The following RAD51B variants were observed in gnomAD, a reference collection of about 807,000 sequenced individuals.
RAD51B encodes the protein DNA repair protein RAD51 homolog 2.
RAD51B carries 38 observed loss-of-function variants against 42.2 expected under a neutral mutation model. The observed-to-expected ratio is 0.90, with a 90% CI of 0.70 to 1.18. The LOEUF is 1.18. RAD51B is among the 50% of genes most tolerant of loss of function. The pLI is 0.00. For missense variants in RAD51B, 373 were observed against 400.7 expected (o/e 0.93, Z 0.59); for synonymous variants, 154 against 145.2 (o/e 1.06, Z -0.43).
intron 7 of RAD51B, among the ~76,000 whole-genome samples, chr14:67,976,595 C>A (rs1399719933): frequency 6.6e-6 from 1 of 151,982 alleles, no homozygotes; most frequent in African/African-American, 2.4e-5. Flanking sequence ...CATATTAGAC[C>A]TAAAACCATA....
intron 3 of RAD51B, among the ~76,000 whole-genome samples, chr14:67,831,703 A>AT (rs147190791): frequency 0.29 from 43,221 of 147,000 alleles, 6,586 homozygotes; most frequent in Middle Eastern, 0.43. Flanking sequence ...TGCCCAGCTA[A>AT]TTTTTTTTTT....
At chr14:67,976,117 T>G (rs1271458998) in intron 7 of RAD51B, among the ~76,000 whole-genome samples, 3 of 151,542 alleles carry the variant, frequency 2.0e-5, no homozygotes, top group African/African-American at 2.4e-5. Context: ...TTTTTTTGGT[T>G]GTTGTTGTTT....
intron 10 of RAD51B, among the ~76,000 whole-genome samples, chr14:68,570,893 A>ATG (rs1555427613): frequency 9.1e-6 from 1 of 110,228 alleles, no homozygotes; most frequent in African/African-American, 2.8e-5. Flanking sequence ...ACACACACAC[A>ATG]CACATGCACA....
Position 68,275,833 on chromosome 14 carries a change from CA to C in RAD51B, c.757-16050del, listed in dbSNP as rs1566778259. Reference sequence around the variant, plus strand: ...ACACACACACACACACACACACACACACACACACCCTTGAATTCTCAGCTGA... The same window carrying C: ...ACACACACACACACACACACACACACCACACACCCTTGAATTCTCAGCTGA... On this transcript the variant is annotated intron_variant, in intron 7 of 10. Coordinates refer to ENST00000471583, the MANE Select transcript of RAD51B (RefSeq NM_133510.4). Among the ~76,000 whole-genome samples the C allele has an allele frequency of 4.8e-3, 730 of 151,084 alleles. 11 individuals carry two copies. The highest frequency in any genetic ancestry group is 0.017 in the African/African-American group (698 of 41,054).
At chr14:68,456,173 A>T (rs2085681897) in intron 9 of RAD51B, among the ~76,000 whole-genome samples, 1 of 152,246 alleles carries the variant, frequency 6.6e-6, no homozygotes, top group Non-Finnish European at 1.5e-5. Context: ...AAACAGAGGA[A>T]CAAAAAGGAA....
chr14:68,477,668 T>C lies in RAD51B; in HGVS notation c.*4T>C. ...TTTAGGCCAAGAGAAGCCATAGGGA[T>C]ACTGTGACCTTTGTCTAGAGTTGAT... On this transcript the variant is annotated 3_prime_UTR_variant, in exon 11 of 11. Coordinates refer to ENST00000471583, the MANE Select transcript of RAD51B (RefSeq NM_133510.4). The C allele has an allele frequency of 6.2e-7, 1 of 1,611,150 alleles. No individual in the cohort carries two copies. The highest frequency in any genetic ancestry group is 8.5e-7 in the Non-Finnish European group (1 of 1,178,618).
In RAD51B at chr14:68,191,033, C is replaced by CT. The variant is rs33968211; in HGVS notation, c.757-100843dup. On this transcript the variant is annotated intron_variant, in intron 7 of 10. Coordinates refer to ENST00000471583, the MANE Select transcript of RAD51B (RefSeq NM_133510.4). Reference sequence around the variant, plus strand: ...TTAGTTAATGCTATATTACTACAAGCTTTTTTTTAAAAAAAGAGACAATAT... The same window carrying CT: ...TTAGTTAATGCTATATTACTACAAGCTTTTTTTTTAAAAAAAGAGACAATAT... Among the ~76,000 whole-genome samples, 558 of 151,986 alleles carry CT rather than the reference C, an allele frequency of 3.7e-3. 6 individuals carry two copies. The highest frequency in any genetic ancestry group is 0.013 in the African/African-American group (520 of 41,446).
Position 67,887,032 on chromosome 14 carries a change from T to TGGA in RAD51B, c.585_587dup (p.Glu198dup), listed in dbSNP as rs1566942271. The TGGA allele has an allele frequency of 2.0e-6, 3 of 1,501,040 alleles. No homozygotes were observed. The highest frequency in any genetic ancestry group is 2.7e-6 in the Non-Finnish European group (3 of 1,102,012). The allele number at this position is 1,501,040 out of a possible 1,614,324, so 93.0% of individuals were successfully genotyped here. A position where few individuals can be genotyped will look rare whatever the true frequency, so the allele number is the denominator to read the frequency against. On this transcript the variant is annotated inframe_insertion, in exon 7 of 11. Coordinates refer to ENST00000471583, the MANE Select transcript of RAD51B (RefSeq NM_133510.4). Reference sequence around the variant, plus strand: ...TTCTTCTTTTATAGGATTGAATCTTTGGAAGAAGAAATTATCTCAAAAGGA... The same window carrying TGGA: ...TTCTTCTTTTATAGGATTGAATCTTTGGAGGAAGAAGAAATTATCTCAAAAGGA...
intron 7 of RAD51B, among the ~76,000 whole-genome samples, chr14:68,119,616 A>G (rs1416239635): frequency 1.3e-5 from 2 of 148,234 alleles, no homozygotes; most frequent in African/African-American, 5.1e-5. Flanking sequence ...ATGATTTCCA[A>G]TTTCATCCAT....
chr14:67,894,523 T>G (rs973085871), intron 7 of RAD51B, among the ~76,000 whole-genome samples: 2 of 152,204 alleles, frequency 1.3e-5, no homozygotes, highest in Admixed American at 1.3e-4. Context: ...TATTTGCCCT[T>G]AAGGCTTCTA....
chr14:68,178,782 A>G (rs1374595128), intron 7 of RAD51B, among the ~76,000 whole-genome samples: 3 of 152,148 alleles, frequency 2.0e-5, no homozygotes, highest in Admixed American at 2.0e-4. Flanking sequence ...CATTCATTTC[A>G]TTGCCCCTGT....
chr14:68,481,990 G>A (rs74459008), downstream of RAD51B, among the ~76,000 whole-genome samples: 1 of 152,178 alleles, frequency 6.6e-6, no homozygotes, highest in Admixed American at 6.5e-5. Flanking sequence ...GCACAGGAAA[G>A]TTGCCCCAGG....
chr14:68,529,892 G>C (rs1232802711), intron 10 of RAD51B, among the ~76,000 whole-genome samples: 1 of 152,094 alleles, frequency 6.6e-6, no homozygotes, highest in Non-Finnish European at 1.5e-5. Flanking sequence ...AAAGGATATT[G>C]TGAAATAAAG....
chr14:68,677,504 C>T (rs1893335628), intron 11 of RAD51B, among the ~76,000 whole-genome samples: 1 of 152,206 alleles, frequency 6.6e-6, no homozygotes, highest in Non-Finnish European at 1.5e-5. Flanking sequence ...AACTATCTTC[C>T]TGGAAGTAAA....
At chr14:68,143,202 C>T (rs2078170159) in intron 7 of RAD51B, among the ~76,000 whole-genome samples, 1 of 152,116 alleles carries the variant, frequency 6.6e-6, no homozygotes, top group Non-Finnish European at 1.5e-5. Flanking sequence ...TTAGTGTCCC[C>T]ATCTGTAAAA....
At chr14:68,412,595 T>C (rs1167912016) in intron 9 of RAD51B, among the ~76,000 whole-genome samples, 1 of 152,228 alleles carries the variant, frequency 6.6e-6, no homozygotes, top group Non-Finnish European at 1.5e-5. Flanking sequence ...CTTGGTTTGC[T>C]TTGGACTATG....
chr14:68,593,428 G>T (rs537778183), intron 10 of RAD51B, among the ~76,000 whole-genome samples: 2 of 152,360 alleles, frequency 1.3e-5, no homozygotes, highest in South Asian at 4.1e-4. Flanking sequence ...GGCAGAAGCT[G>T]CAGGTAGGGG....
chr14:68,495,979 C>T (rs1884481832), intron 10 of RAD51B, among the ~76,000 whole-genome samples: 1 of 152,144 alleles, frequency 6.6e-6, no homozygotes, highest in Non-Finnish European at 1.5e-5. Flanking sequence ...TGTACCGAAA[C>T]CCAGCTTAAG....
intron 7 of RAD51B, among the ~76,000 whole-genome samples, chr14:67,926,611 T>C (rs979034164): frequency 2.3e-5 from 3 of 132,792 alleles, no homozygotes; most frequent in African/African-American, 8.7e-5. Flanking sequence ...GTCGCCACAC[T>C]GGAGTGCAGT....
Sources: allele counts gnomAD v4.1 joint callset (sites outside exome capture counted in the v4.1 genomes callset), GRCh38; gene constraint gnomAD v4.1.1; transcripts MANE v1.5; gene names NCBI Gene and HGNC (gene_info 2026-07-23, HGNC 2026-07-21).